Variants in ERO1B observed in about 807,000 individuals in gnomAD.
ERO1B encodes endoplasmic reticulum oxidoreductase 1 beta, also known as ERO1-like protein beta.
ERO1B carries 49 observed loss-of-function variants against 75.3 expected under a neutral mutation model. The ratio of observed to expected loss-of-function variants is 0.65; its 90% confidence interval spans 0.52 to 0.83. The LOEUF (loss-of-function observed/expected upper bound fraction) is 0.83. Ranked by LOEUF, ERO1B falls within the 40% of genes least tolerant of loss-of-function variation. ERO1B has a pLI of 0.00. For missense variants in ERO1B, 512 were observed against 560.1 expected (o/e 0.91, Z 0.87); for synonymous variants, 191 against 192.9 (o/e 0.99, Z 0.08).
At chr1:236,270,185 A>G (rs1665560457) in intron 1 of ERO1B, among the ~76,000 whole-genome samples, 191 bp from the exon 2 acceptor site, 1 of 152,216 alleles carries the variant, frequency 6.6e-6, no homozygotes, top group Non-Finnish European at 1.5e-5. Context: ...GATTAGCTAT[A>G]CCCATTTGGA....
Position 236,216,871 on chromosome 1 carries a change from A to G in ERO1B, c.*1645T>C, listed in dbSNP as rs1663998977. On this transcript the variant is annotated 3_prime_UTR_variant, in exon 16 of 16. Transcript: ENST00000354619. Reference sequence around the variant, plus strand: ...TGCCTTAAGGCCCCCCTCCCCCACCATACAATACTTGCAACCCTCAAGAAA... The same window carrying G: ...TGCCTTAAGGCCCCCCTCCCCCACCGTACAATACTTGCAACCCTCAAGAAA... 1 of 151,346 alleles carries G rather than the reference A, an allele frequency of 6.6e-6. No homozygotes were observed. Among genetic ancestry groups the G allele is most frequent in the South Asian group, 2.1e-4 (1 of 4,818 alleles). 9.4% of individuals were successfully genotyped at this position (151,346 alleles called of 1,614,324 possible).
intron 2 of ERO1B, among the ~76,000 whole-genome samples, chr1:236,263,424 A>G (rs1287228886): frequency 6.6e-6 from 1 of 151,586 alleles, no homozygotes; most frequent in African/African-American, 2.4e-5. Flanking sequence ...AATTTTTTGT[A>G]TTTTTAGTAG....
chr1:236,231,929 T>G (rs538444524), intron 9 of ERO1B, among the ~76,000 whole-genome samples: 68 of 152,266 alleles, frequency 4.5e-4, no homozygotes, highest in African/African-American at 1.6e-3. Context: ...TACCACTATA[T>G]AGTCTTACCT....
intron 2 of ERO1B, among the ~76,000 whole-genome samples, chr1:236,253,772 T>G (rs971085574): frequency 5.3e-5 from 8 of 152,226 alleles, no homozygotes; most frequent in African/African-American, 1.9e-4. Flanking sequence ...AATTCTCTCA[T>G]GCACCCATTT....
At chr1:236,252,502 G>C (rs1227397474) in intron 3 of ERO1B, among the ~76,000 whole-genome samples, 1 of 152,144 alleles carries the variant, frequency 6.6e-6, no homozygotes, top group African/African-American at 2.4e-5. Flanking sequence ...CTCTAACAAA[G>C]TGTAGGCAAT....
At chr1:236,277,926 CTTTTT>C (rs1015649867) in intron 1 of ERO1B, among the ~76,000 whole-genome samples, 5 of 152,010 alleles carry the variant, frequency 3.3e-5, no homozygotes, top group Non-Finnish European at 5.9e-5. Flanking sequence ...CTTCAAGTTT[CTTTTT>C]ATTTGAACAC....
chr1:236,240,212 T>C (rs1224848193), intron 6 of ERO1B, among the ~76,000 whole-genome samples: 1 of 151,968 alleles, frequency 6.6e-6, no homozygotes, highest in Non-Finnish European at 1.5e-5. Flanking sequence ...GCCTTAAGTA[T>C]ACGATTTTTT....
chr1:236,280,025 C>T (rs1435334433), intron 1 of ERO1B, among the ~76,000 whole-genome samples: 15 of 152,042 alleles, frequency 9.9e-5, no homozygotes. Flanking sequence ...TACAGTGGCT[C>T]ACACCTGTAA....
At chr1:236,254,304 C>T (rs1318298856) in intron 2 of ERO1B, among the ~76,000 whole-genome samples, 1 of 152,198 alleles carries the variant, frequency 6.6e-6, no homozygotes, top group Admixed American at 6.5e-5. Context: ...CCCCATCAAA[C>T]AATTCATTTT....
intron 5 of ERO1B, among the ~76,000 whole-genome samples, chr1:236,248,851 T>C (rs1476158900): frequency 6.6e-6 from 1 of 152,080 alleles, no homozygotes; most frequent in African/African-American, 2.4e-5. Flanking sequence ...TTAAAACATA[T>C]GGCAAAAAAT....
intron 2 of ERO1B, among the ~76,000 whole-genome samples, chr1:236,266,643 A>G (rs1311153670): frequency 6.6e-6 from 1 of 152,110 alleles, no homozygotes; most frequent in Non-Finnish European, 1.5e-5. Context: ...ATAATAAGTT[A>G]AATTAACCTT....
intron 2 of ERO1B, among the ~76,000 whole-genome samples, chr1:236,255,580 A>G (rs780249601): frequency 2.0e-5 from 3 of 152,206 alleles, no homozygotes; most frequent in Non-Finnish European, 4.4e-5. Context: ...TATCTATATT[A>G]CAGAGAAGAA....
intron 8 of ERO1B, among the ~76,000 whole-genome samples, chr1:236,234,032 T>G (rs1664479564): frequency 6.6e-6 from 1 of 152,178 alleles, no homozygotes. Context: ...AGCCTAGGGG[T>G]TATGACTCAG....
At chr1:236,265,342 T>C (rs1343541995) in intron 2 of ERO1B, among the ~76,000 whole-genome samples, 1 of 152,174 alleles carries the variant, frequency 6.6e-6, no homozygotes, top group African/African-American at 2.4e-5. Flanking sequence ...CATCCTTGCA[T>C]TCTTGGAATA....
intron 6 of ERO1B, among the ~76,000 whole-genome samples, chr1:236,237,761 G>C (rs1191372291): frequency 6.6e-6 from 1 of 152,078 alleles, no homozygotes; most frequent in Non-Finnish European, 1.5e-5. Flanking sequence ...GTATTCCCTG[G>C]ACAGTCAATG....
Position 236,221,784 on chromosome 1 carries a change from TCAA to T in ERO1B, c.1209+137_1209+139del, listed in dbSNP as rs973498918. ...TAACACATATACTTTAATTTTTTCA[TCAA>T]CAGAAAAAACACCTTGGATCTGCCT... On this transcript the variant is annotated intron_variant, in intron 14 of 15. Coordinates refer to ENST00000354619, the MANE Select transcript of ERO1B (RefSeq NM_019891.4). 17 of 645,368 alleles carry T rather than the reference TCAA, an allele frequency of 2.6e-5. No homozygotes were observed. The African/African-American group carries it at 3.0e-4, about 11-fold the overall frequency. 40.0% of individuals were successfully genotyped at this position (645,368 alleles called of 1,614,324 possible).
Position 236,249,869 on chromosome 1 carries a change from C to A in ERO1B, c.431+16G>T, listed in dbSNP as rs199708225. The A allele has an allele frequency of 8.1e-4, 1,251 of 1,537,282 alleles. 3 individuals are homozygous for A. Among genetic ancestry groups the A allele is most frequent in the Non-Finnish European group, 1.0e-3 (1,147 of 1,137,914 alleles). On this transcript the variant is annotated intron_variant, in intron 5 of 15. Transcript: ENST00000354619. ...CAATGAGAATATTTTCTTAATATTACCAAAATAAAACTTGCCTTAATGTGC... is the reference window on the plus strand; with the variant it reads ...CAATGAGAATATTTTCTTAATATTAACAAAATAAAACTTGCCTTAATGTGC...
Position 236,269,995 on chromosome 1 carries a change from C to G in ERO1B, c.103-1G>C. On this transcript the variant is annotated splice_acceptor_variant, in intron 1 of 15. Transcript: ENST00000354619. LOFTEE classifies it high-confidence loss of function. ...AGCAATCATCCAGAACTCCAGTGAC[C>G]TAGAATTTATATAATTTAAAATATG... 2 of 1,576,300 alleles carry G rather than the reference C, an allele frequency of 1.3e-6. No individual in the cohort carries two copies. Among genetic ancestry groups the G allele is most frequent in the Non-Finnish European group, 1.7e-6 (2 of 1,155,362 alleles).
chr1:236,276,997 C>T (rs776296225), intron 1 of ERO1B, among the ~76,000 whole-genome samples: 3 of 152,254 alleles, frequency 2.0e-5, no homozygotes, highest in South Asian at 2.1e-4. Flanking sequence ...AGCACTTCCC[C>T]GATTGTAAGT....
Sources: gnomAD v4.1 joint callset for allele counts (sites outside exome capture counted in the v4.1 genomes callset) on GRCh38, gnomAD v4.1.1 for gene constraint, MANE v1.5 for transcripts, NCBI Gene and HGNC (gene_info 2026-07-23, HGNC 2026-07-21) for gene names.